The following TRPC4 variants were observed in gnomAD, a reference collection of about 807,000 sequenced individuals.
TRPC4 encodes transient receptor potential cation channel subfamily C member 4.
Under a neutral mutation model 99.4 loss-of-function variants are expected in TRPC4, and 49 were observed. The observed-to-expected ratio is 0.49, with a 90% confidence interval of 0.39 to 0.63. TRPC4 has a LOEUF of 0.63. Among genes scored for constraint, TRPC4 ranks in the 20% least tolerant of loss-of-function variants. TRPC4 has a pLI of 0.00. For synonymous variants in TRPC4, 454 were observed against 425.9 expected (o/e 1.07, Z -0.81); for missense variants, 898 against 1,152.9 (o/e 0.78, Z 3.20).
intron 3 of TRPC4, among the ~76,000 whole-genome samples, chr13:37,732,176 G>A (rs951962453): frequency 1.3e-5 from 2 of 152,118 alleles, no homozygotes; most frequent in South Asian, 2.1e-4. Flanking sequence ...ATGAAGGGGA[G>A]AGACCTAAAA....
At chr13:37,819,053 T>C (rs372785123) in intron 1 of TRPC4, among the ~76,000 whole-genome samples, 97 of 152,000 alleles carry the variant, frequency 6.4e-4, no homozygotes, top group Middle Eastern at 3.4e-3. Context: ...AAAGACATAA[T>C]TGTGGCCAGG....
intron 8 of TRPC4, among the ~76,000 whole-genome samples, chr13:37,642,995 G>T (rs1479827733): frequency 6.6e-6 from 1 of 152,142 alleles, no homozygotes; most frequent in East Asian, 1.9e-4. Flanking sequence ...CTCCCAAAGT[G>T]CTGAGATTAC....
intron 1 of TRPC4, among the ~76,000 whole-genome samples, chr13:37,849,544 C>G (rs1959002093): frequency 6.6e-6 from 1 of 152,186 alleles, no homozygotes; most frequent in Non-Finnish European, 1.5e-5. Flanking sequence ...CATGACCAAG[C>G]AGCCACTGAG....
chr13:37,728,062 A>G (rs984914088), intron 3 of TRPC4, among the ~76,000 whole-genome samples: 2 of 152,086 alleles, frequency 1.3e-5, no homozygotes, highest in African/African-American at 2.4e-5. Flanking sequence ...AAATCCACAT[A>G]TGAAAAATCA....
intron 3 of TRPC4, among the ~76,000 whole-genome samples, chr13:37,744,031 G>C (rs546971545): frequency 2.0e-4 from 31 of 152,210 alleles, no homozygotes; most frequent in African/African-American, 7.5e-4. Flanking sequence ...TGCATTCTCT[G>C]TTTCATTTCA....
intron 1 of TRPC4, among the ~76,000 whole-genome samples, chr13:37,800,292 C>T (rs747636131): frequency 6.6e-6 from 1 of 152,150 alleles, no homozygotes; most frequent in African/African-American, 2.4e-5. Context: ...CAGTCTTGAA[C>T]TCCTGGGCTC....
chr13:37,698,757 G>A (rs990329169), intron 3 of TRPC4, among the ~76,000 whole-genome samples: 10 of 152,106 alleles, frequency 6.6e-5, no homozygotes, highest in African/African-American at 1.9e-4. Flanking sequence ...CAGTGTAATC[G>A]CAGGCAAAGG....
chr13:37,792,065 GA>G (rs1007549148), intron 1 of TRPC4, among the ~76,000 whole-genome samples: 1 of 152,092 alleles, frequency 6.6e-6, no homozygotes, highest in Non-Finnish European at 1.5e-5. Context: ...TCTGATTTCT[GA>G]TTTTAAAGAT....
intron 4 of TRPC4, among the ~76,000 whole-genome samples, chr13:37,681,265 A>T (rs1405628111): frequency 6.6e-6 from 1 of 152,198 alleles, no homozygotes; most frequent in Non-Finnish European, 1.5e-5. Flanking sequence ...ATCAAGGAGG[A>T]GACATTAAAT....
chr13:37,756,294 T>C (rs1284186112), intron 2 of TRPC4, among the ~76,000 whole-genome samples: 1 of 147,488 alleles, frequency 6.8e-6, no homozygotes, highest in Admixed American at 6.9e-5. Context: ...ATGAATAAGT[T>C]AGGTTACAAT....
intron 8 of TRPC4, among the ~76,000 whole-genome samples, 173 bp from the exon 9 acceptor site, chr13:37,639,472 A>G (rs1951648560): frequency 6.6e-6 from 1 of 152,118 alleles, no homozygotes; most frequent in Admixed American, 6.6e-5. Context: ...GAATGAGTGA[A>G]CAAGAGTGTA....
intron 1 of TRPC4, among the ~76,000 whole-genome samples, chr13:37,825,947 C>G (rs931147666): frequency 8.6e-5 from 12 of 140,326 alleles, no homozygotes; most frequent in Admixed American, 2.2e-4. Flanking sequence ...CTTTATGAAT[C>G]TGGGTGCTCC....
chr13:37,709,336 G>T (rs1475577037), intron 3 of TRPC4, among the ~76,000 whole-genome samples: 1 of 151,958 alleles, frequency 6.6e-6, no homozygotes, highest in Non-Finnish European at 1.5e-5. Context: ...ATGAGGAAGT[G>T]TAATTCACAT....
chr13:37,821,897 C>T (rs1958022452), intron 1 of TRPC4, among the ~76,000 whole-genome samples: 1 of 152,034 alleles, frequency 6.6e-6, no homozygotes, highest in South Asian at 2.1e-4. Flanking sequence ...CAGACACAGG[C>T]CCTGGCAAAG....
rs773392584 is a variant in TRPC4 at position 37,783,210 on chromosome 13, T to C, written c.124A>G (p.Lys42Glu). ...SEKAYLNAVE[K>E]GDYASVKKSL... ...TTCTTGACACTGGCATAATCTCCCT[T>C]TTCCACAGCATTCAAGTAGGCTTTT... The change falls in exon 2 of 11, where the codon AAG becomes GAG. Residue 42 changes from lysine to glutamate, a missense_variant. Lys to Glu is a moderately conservative substitution (Grantham distance 56, BLOSUM62 1). Around this residue, in one of 3 missense-constraint regions of TRPC4, gnomAD observed 278 missense variants for 346.6 expected, o/e 0.80. Coordinates refer to ENST00000379705, the MANE Select transcript of TRPC4 (RefSeq NM_016179.4). 3.7e-6 allele frequency: 6 copies of C among 1,613,594 alleles called. No homozygotes were observed. The African/African-American group carries it at 5.3e-5, about 14-fold the overall frequency.
In TRPC4 at chr13:37,837,954, C is replaced by G. The variant is rs115215952; in HGVS notation, c.-28+31641G>C. On this transcript the variant is annotated intron_variant, in intron 1 of 10. Coordinates refer to ENST00000379705, the MANE Select transcript of TRPC4 (RefSeq NM_016179.4). ...TTCTTGTGACAGTGGATAAGTCTCA[C>G]GAGGGCTGATGGTTTCAGAAGGAGG... Among the ~76,000 whole-genome samples the G allele has an allele frequency of 5.9e-5, 9 of 152,078 alleles. No homozygotes were observed. In the East Asian group the frequency reaches 1.7e-3, roughly 29 times the overall value.
chr13:37,824,900 C>A (rs1410765125), intron 1 of TRPC4, among the ~76,000 whole-genome samples: 1 of 152,048 alleles, frequency 6.6e-6, no homozygotes, highest in Non-Finnish European at 1.5e-5. Context: ...TCCATCTGGT[C>A]CTGGACTCTT....
chr13:37,818,550 C>A (rs893372224), intron 1 of TRPC4, among the ~76,000 whole-genome samples: 3 of 152,052 alleles, frequency 2.0e-5, no homozygotes, highest in Non-Finnish European at 4.4e-5. Flanking sequence ...TGGAACCAAC[C>A]CAAATGCTCA....
At position 37,756,921 on chromosome 13, in the gene TRPC4, C is replaced by T. The variant is rs1198692106; in HGVS notation, c.379-10466G>A. 2.6e-5 allele frequency among the ~76,000 whole-genome samples: 4 copies of T among 152,016 alleles called. No individual in the cohort carries two copies. In the South Asian group the frequency reaches 6.2e-4, roughly 24 times the overall value. ...TAAACACCTTAAAAGAAATTCGGCA[C>T]GATTACATACATATGGCTCTAAATC... On this transcript the variant is annotated intron_variant, in intron 2 of 10. Coordinates refer to ENST00000379705, the MANE Select transcript of TRPC4 (RefSeq NM_016179.4).
Sources: allele counts gnomAD v4.1 joint callset (sites outside exome capture counted in the v4.1 genomes callset), GRCh38; gene constraint gnomAD v4.1.1; regional missense constraint gnomAD v4.1.1; transcripts MANE v1.5; gene names NCBI Gene and HGNC (gene_info 2026-07-23, HGNC 2026-07-21).